HDAC8: variants seen among roughly 807,000 people sequenced by gnomAD.
HDAC8 encodes histone deacetylase 8.
A neutral mutation model predicts 32.2 loss-of-function variants in HDAC8; 1 was observed. The ratio of observed to expected loss-of-function variants is 0.03; its 90% CI spans 0.01 to 0.15. HDAC8 has a LOEUF of 0.15. HDAC8 is among the 10% of genes least tolerant of loss of function. The pLI, the probability that HDAC8 is intolerant of heterozygous loss-of-function variation, is 1.00. For missense variants in HDAC8, 117 were observed against 300.0 expected (o/e 0.39, Z 4.51); for synonymous variants, 108 against 113.9 (o/e 0.95, Z 0.33).
At chrX:72,421,390 G>A (rs548380172) in intron 9 of HDAC8, among the ~76,000 whole-genome samples, 1 of 111,027 alleles carries the variant, frequency 9.0e-6, no homozygotes, top group Admixed American at 9.6e-5. Flanking sequence ...ACCCCCTCCC[G>A]ACAGGCTCCA....
chrX:72,522,242 A>G (rs1556029255), intron 4 of HDAC8, among the ~76,000 whole-genome samples: 1 of 112,508 alleles, frequency 8.9e-6, no homozygotes, highest in Non-Finnish European at 1.9e-5. Context: ...TTTCACGTGC[A>G]TGCATACTTT....
chrX:72,459,860 TTG>T (rs1284563481), intron 9 of HDAC8, among the ~76,000 whole-genome samples: 1 of 112,128 alleles, frequency 8.9e-6, no homozygotes, highest in Non-Finnish European at 1.9e-5. Flanking sequence ...ACAAGGATAT[TTG>T]TGTGCAACTG....
chrX:72,482,677 T>C (rs1556003781), intron 7 of HDAC8, among the ~76,000 whole-genome samples: 1 of 111,528 alleles, frequency 9.0e-6, no homozygotes, highest in African/African-American at 3.3e-5. Flanking sequence ...TTTTAATTTG[T>C]TTGCAACCAT....
At chrX:72,439,022 C>A (rs1197574461) in intron 9 of HDAC8, among the ~76,000 whole-genome samples, 1 of 111,170 alleles carries the variant, frequency 9.0e-6, no homozygotes, top group African/African-American at 3.3e-5. Context: ...TTAGATTCAC[C>A]AAGATTGAAA....
chrX:72,465,974 T>TA (rs2048006744), intron 7 of HDAC8, among the ~76,000 whole-genome samples: 1 of 111,908 alleles, frequency 8.9e-6, no homozygotes, highest in Non-Finnish European at 1.9e-5. Flanking sequence ...ATAAGAATAT[T>TA]ATAAAAATAA....
At chrX:72,474,843 C>A in intron 7 of HDAC8, 1 of 446,755 alleles carries the variant, frequency 2.2e-6, no homozygotes, top group Non-Finnish European at 3.9e-6. Flanking sequence ...CAGGGTAGAA[C>A]ACAGCTTCTA....
intron 4 of HDAC8, among the ~76,000 whole-genome samples, chrX:72,503,519 ACTAT>A (rs1228204150): frequency 2.7e-5 from 3 of 111,839 alleles, no homozygotes; most frequent in Non-Finnish European, 3.8e-5. Context: ...TTTCTCTTAC[ACTAT>A]CTATAATTCA....
At chrX:72,451,568 G>A (rs1177813656) in intron 9 of HDAC8, among the ~76,000 whole-genome samples, 1 of 112,129 alleles carries the variant, frequency 8.9e-6, no homozygotes, top group Non-Finnish European at 1.9e-5. Context: ...ATTATATACA[G>A]GGAAACAATA....
chrX:72,396,592 C>A lies in HDAC8; in HGVS notation c.1006-44754G>T, dbSNP rs782729590. Among the ~76,000 whole-genome samples the A allele has an allele frequency of 7.2e-5, 8 of 111,645 alleles. No homozygotes were observed. The South Asian group carries it at 3.0e-3, about 42-fold the overall frequency. ...GATTAAATCAAGCAAATTAACATAT[C>A]CTTCAGGGCTGTGGGGAGGAGAGTG... On this transcript the variant is annotated intron_variant, in intron 9 of 10. Coordinates refer to ENST00000373573, the MANE Select transcript of HDAC8 (RefSeq NM_018486.3).
At chrX:72,417,187 T>A (rs2046367916) in intron 9 of HDAC8, among the ~76,000 whole-genome samples, 1 of 111,158 alleles carries the variant, frequency 9.0e-6, no homozygotes, top group South Asian at 3.8e-4. Context: ...CAAGGATGCT[T>A]ACTCTCATCG....
At chrX:72,509,312 T>A (rs923722166) in intron 4 of HDAC8, among the ~76,000 whole-genome samples, 2 of 110,907 alleles carry the variant, frequency 1.8e-5, no homozygotes, top group Non-Finnish European at 3.8e-5. Context: ...TTTCACCATG[T>A]TGGCCAAATT....
At position 72,338,425 on chromosome X, in the gene HDAC8, G is replaced by A. The variant is rs142188882; in HGVS notation, c.1112-8349C>T. Among the ~76,000 whole-genome samples, 93 of 109,948 alleles carry A rather than the reference G, an allele frequency of 8.5e-4. No homozygotes were observed. In the East Asian group the frequency reaches 0.024, roughly 28 times the overall value. On this transcript the variant is annotated intron_variant, in intron 10 of 10. Transcript: ENST00000373573. ...CACATGCTAACAAAAGGAGAACCAG[G>A]CTAGGATACATAAGTTCTGAACGCA...
intron 3 of HDAC8, 55 bp downstream of exon 3, chrX:72,568,699 G>A: frequency 5.1e-6 from 6 of 1,165,506 alleles, no homozygotes; most frequent in Admixed American, 4.5e-5. Context: ...AATCATACAA[G>A]TTATAAAAAA....
chrX:72,452,132 C>A, intron 9 of HDAC8, among the ~76,000 whole-genome samples: 1 of 112,589 alleles, frequency 8.9e-6, no homozygotes, highest in Non-Finnish European at 1.9e-5. Context: ...GAAAAACTTA[C>A]AGAAAAACAA....
intron 10 of HDAC8, among the ~76,000 whole-genome samples, chrX:72,349,700 G>A (rs1468754370): frequency 9.1e-6 from 1 of 110,410 alleles, no homozygotes; most frequent in Admixed American, 9.7e-5. Context: ...ACCTTTCCTC[G>A]TTCTCTTCCC....
intron 4 of HDAC8, among the ~76,000 whole-genome samples, chrX:72,559,755 G>A (rs1434119349): frequency 1.6e-4 from 17 of 108,816 alleles, no homozygotes; most frequent in African/African-American, 4.7e-4. Context: ...ATCTCTGCCC[G>A]GCCGCCCCGT....
chrX:72,350,188 T>TGA (rs1425015791), intron 10 of HDAC8, among the ~76,000 whole-genome samples: 1 of 111,110 alleles, frequency 9.0e-6, no homozygotes, highest in Non-Finnish European at 1.9e-5. Flanking sequence ...CAGTAGCCAC[T>TGA]GAGAGGTGAG....
intron 5 of HDAC8, among the ~76,000 whole-genome samples, chrX:72,494,255 G>A (rs2048956249): frequency 9.0e-6 from 1 of 110,617 alleles, no homozygotes; most frequent in Non-Finnish European, 1.9e-5. Context: ...CTCTGGAAAG[G>A]TTCCCTCAAC....
rs370047514 is a variant in HDAC8, at chrX:72,437,516, G to T, written c.1005+24488C>A. ...AACTCTTCACTCCCCTGAAAAGGGG[G>T]CTGAAGTCAGGGAGCCAAGTGGTCT... is the stretch of plus-strand genomic sequence containing the variant. On this transcript the variant is annotated intron_variant, in intron 9 of 10. Coordinates refer to ENST00000373573, the MANE Select transcript of HDAC8 (RefSeq NM_018486.3). Among the ~76,000 whole-genome samples, 5 of 111,353 alleles carry T rather than the reference G, an allele frequency of 4.5e-5. No individual in the cohort carries two copies. The East Asian group carries it at 1.1e-3, about 25-fold the overall frequency.
Sources: gnomAD v4.1 joint callset for allele counts (sites outside exome capture counted in the v4.1 genomes callset) on GRCh38, gnomAD v4.1.1 for gene constraint, MANE v1.5 for transcripts, NCBI Gene and HGNC (gene_info 2026-07-23, HGNC 2026-07-21) for gene names.